Variants in PKIG observed in about 807,000 individuals in gnomAD.
The protein encoded by PKIG is protein kinase (cAMP-dependent, catalytic) inhibitor gamma.
PKIG carries 1 observed loss-of-function variant against 6.8 expected under a neutral mutation model. The ratio of observed to expected loss-of-function variants is 0.15; its 90% CI spans 0.05 to 0.69. The LOEUF is 0.69. Among genes scored for constraint, PKIG ranks in the 30% least tolerant of loss-of-function variants. The pLI, the probability that PKIG is intolerant of heterozygous loss-of-function variation, is 0.82. For synonymous variants in PKIG, 39 were observed against 43.0 expected, an observed-to-expected ratio of 0.91 and a Z score of 0.36; for missense variants, 77 against 104.0, an observed-to-expected ratio of 0.74 and a Z score of 1.13.
intron 2 of PKIG, among the ~76,000 whole-genome samples, chr20:44,591,956 C>T (rs1311497663): frequency 6.6e-6 from 1 of 152,182 alleles, no homozygotes; most frequent in African/African-American, 2.4e-5. Context: ...ACAGCTCCCT[C>T]TCCCTGCAGC....
intron 1 of PKIG, among the ~76,000 whole-genome samples, chr20:44,560,457 A>G (rs1191066890): frequency 6.6e-6 from 1 of 152,204 alleles, no homozygotes; most frequent in East Asian, 1.9e-4. Flanking sequence ...TTTCTGAGGT[A>G]TAGAGTTTCA....
At chr20:44,561,133 C>G (rs1175210928) in intron 1 of PKIG, among the ~76,000 whole-genome samples, 1 of 152,176 alleles carries the variant, frequency 6.6e-6, no homozygotes, top group Non-Finnish European at 1.5e-5. Context: ...GTCAGGAATT[C>G]AAGACCAGCC....
rs540317291 is a variant in PKIG, at chr20:44,565,562, C to G, written c.-240-17023C>G. On this transcript the variant is annotated intron_variant, in intron 1 of 4. Coordinates refer to the PKIG transcript ENST00000372887. ...TTACCAGCACTGGTGACATCAGATA[C>G]TGGACATCAGAAACTGTCCCATAAC... 2.6e-5 allele frequency among the ~76,000 whole-genome samples: 4 copies of G among 152,336 alleles called. No individual in the cohort carries two copies. In the East Asian group the frequency reaches 5.8e-4, roughly 22 times the overall value.
upstream of PKIG, among the ~76,000 whole-genome samples, chr20:44,577,763 G>GACTAGAA (rs2064911475): frequency 6.6e-6 from 1 of 152,184 alleles, no homozygotes; most frequent in South Asian, 2.1e-4. Flanking sequence ...CAGCTGTGTG[G>GACTAGAA]ACTAGAAAGT....
intron 1 of PKIG, among the ~76,000 whole-genome samples, chr20:44,570,231 C>G (rs1022543146): frequency 6.6e-6 from 1 of 152,170 alleles, no homozygotes. Flanking sequence ...GATGGGGGCC[C>G]TTGTTTACCA....
intron 1 of PKIG, among the ~76,000 whole-genome samples, chr20:44,567,568 TC>T (rs530871969): frequency 2.4e-4 from 37 of 152,338 alleles, no homozygotes; most frequent in African/African-American, 8.9e-4. Flanking sequence ...GTGGCGTAAC[TC>T]AAGGCTGAGG....
At chr20:44,613,034 G>A (rs1308694064) in intron 2 of PKIG, among the ~76,000 whole-genome samples, 2 of 152,140 alleles carry the variant, frequency 1.3e-5, no homozygotes, top group African/African-American at 2.4e-5. Flanking sequence ...ACAACATAAG[G>A]TATGGTCCCA....
chr20:44,615,904 C>T (rs541674908), intron 3 of PKIG, among the ~76,000 whole-genome samples: 4 of 152,208 alleles, frequency 2.6e-5, no homozygotes, highest in East Asian at 3.9e-4. Flanking sequence ...AGAATCTGGC[C>T]GGCTTGAGAG....
chr20:44,591,861 A>T (rs2065036236), intron 2 of PKIG, among the ~76,000 whole-genome samples: 1 of 152,210 alleles, frequency 6.6e-6, no homozygotes, highest in Non-Finnish European at 1.5e-5. Flanking sequence ...TGAAATCCTC[A>T]AGCGCACATT....
chr20:44,602,194 G>A (rs1003085101), intron 2 of PKIG, among the ~76,000 whole-genome samples: 5 of 152,226 alleles, frequency 3.3e-5, no homozygotes, highest in African/African-American at 1.2e-4. Flanking sequence ...CTCAGGCTGA[G>A]CTAGAAGATT....
At chr20:44,569,236 C>A (rs2064834512) in intron 1 of PKIG, among the ~76,000 whole-genome samples, 1 of 152,320 alleles carries the variant, frequency 6.6e-6, no homozygotes, top group East Asian at 1.9e-4. Flanking sequence ...TGATAAGGCA[C>A]ATGTCTAGTA....
chr20:44,618,135 T>C (rs1272446886), intron 3 of PKIG, 150 bp from the exon 4 acceptor site: 3 of 670,940 alleles, frequency 4.5e-6, no homozygotes, highest in Non-Finnish European at 8.1e-6. Flanking sequence ...CTAAAGTCCA[T>C]AGGCCACCAC....
intron 2 of PKIG, among the ~76,000 whole-genome samples, chr20:44,609,550 G>A (rs923071243): frequency 1.4e-4 from 22 of 152,336 alleles, no homozygotes; most frequent in African/African-American, 4.6e-4. Flanking sequence ...TCAGAGGCCC[G>A]AGAGTGAAAT....
chr20:44,616,167 T>C (rs993329510), intron 3 of PKIG, among the ~76,000 whole-genome samples: 1 of 152,160 alleles, frequency 6.6e-6, no homozygotes, highest in Non-Finnish European at 1.5e-5. Flanking sequence ...CTGGGTTCTC[T>C]TCATTCTTAG....
intron 1 of PKIG, among the ~76,000 whole-genome samples, chr20:44,575,421 G>C (rs1264633471): frequency 6.6e-6 from 1 of 152,166 alleles, no homozygotes; most frequent in Non-Finnish European, 1.5e-5. Flanking sequence ...GTTTTGCCAT[G>C]TTGGCCAGGC....
chr20:44,583,999 A>G (rs1335736554), intron 1 of PKIG, among the ~76,000 whole-genome samples: 1 of 152,166 alleles, frequency 6.6e-6, no homozygotes, highest in Non-Finnish European at 1.5e-5. Context: ...CTGTATGTGC[A>G]CACGCATACA....
chr20:44,572,808 G>A (rs2064865050), intron 1 of PKIG, among the ~76,000 whole-genome samples: 1 of 152,152 alleles, frequency 6.6e-6, no homozygotes, highest in Non-Finnish European at 1.5e-5. Context: ...TGCTTCTCTT[G>A]TGGGGAGAGC....
chr20:44,560,208 C>T (rs929757261), intron 1 of PKIG, among the ~76,000 whole-genome samples: 16 of 152,068 alleles, frequency 1.1e-4, no homozygotes, highest in African/African-American at 3.6e-4. Context: ...AGAGATTGTG[C>T]CACTGCACAG....
rs566985442 is a variant in PKIG at position 44,532,576 on chromosome 20, T to G, written c.-241+598T>G. Among the ~76,000 whole-genome samples, 6 of 152,304 alleles carry G rather than the reference T, an allele frequency of 3.9e-5. No homozygotes were observed. In the South Asian group the frequency reaches 1.0e-3, roughly 26 times the overall value. On this transcript the variant is annotated intron_variant, in intron 1 of 4. Coordinates refer to the PKIG transcript ENST00000372887. ...CGTGTCCTGAGGGAACTCCACAGTT[T>G]TCCGGAGGAGACAGACTCGTAAACA...
Sources: gnomAD v4.1 joint callset for allele counts (sites outside exome capture counted in the v4.1 genomes callset) on GRCh38, gnomAD v4.1.1 for gene constraint, MANE v1.5 for transcripts, NCBI Gene and HGNC (gene_info 2026-07-23, HGNC 2026-07-21) for gene names.